Variants in SFXN5 observed in about 807,000 individuals in gnomAD.
SFXN5 encodes the protein sideroflexin-5.
In SFXN5, 43 loss-of-function variants were observed where a neutral mutation model predicts 50.2. That is an observed-to-expected ratio of 0.86 (90% confidence interval 0.67 to 1.11). The LOEUF is 1.11. Ranked by LOEUF, SFXN5 falls within the 50% of genes least tolerant of loss-of-function variation. The pLI, the probability that SFXN5 is intolerant of heterozygous loss-of-function variation, is 0.00. For missense variants in SFXN5, 463 were observed against 454.1 expected (o/e 1.02, Z -0.18); for synonymous variants, 203 against 185.8 (o/e 1.09, Z -0.75).
chr2:72,984,633 T>C (rs568466536), intron 10 of SFXN5, among the ~76,000 whole-genome samples: 8 of 152,230 alleles, frequency 5.3e-5, no homozygotes, highest in African/African-American at 1.9e-4. Flanking sequence ...CAGCACAGAA[T>C]GAGGAGAACC....
intron 12 of SFXN5, among the ~76,000 whole-genome samples, chr2:72,966,448 A>G (rs1373198561): frequency 6.6e-6 from 1 of 152,168 alleles, no homozygotes; most frequent in Non-Finnish European, 1.5e-5. Context: ...GGCTACGTAT[A>G]CGAGAGTCAG....
chr2:73,071,349 G>A (rs1041997487), intron 1 of SFXN5: 4 of 462,478 alleles, frequency 8.6e-6, no homozygotes, highest in African/African-American at 4.1e-5. Context: ...CGCCGCGGGC[G>A]GGAAAGGCTA....
chr2:72,968,162 CACACACAA>C, intron 12 of SFXN5, among the ~76,000 whole-genome samples: 1 of 150,348 alleles, frequency 6.7e-6, no homozygotes, highest in Non-Finnish European at 1.5e-5. Context: ...CACACACACA[CACACACAA>C]CTGCCAGCTC....
chr2:72,996,519 T>TA, intron 9 of SFXN5: 1 of 152,614 alleles, frequency 6.6e-6, no homozygotes, highest in Middle Eastern at 3.3e-3. Flanking sequence ...TTTTTTTTTT[T>TA]TTTTTTTGAG....
chr2:73,017,743 T>G lies in SFXN5; in HGVS notation c.357+2496A>C, dbSNP rs138414308. ...GGGAATTACAGGTATCAGTATAAAC[T>G]CATGAATTTTTACAAGTTGTATCTC... is the stretch of plus-strand genomic sequence containing the variant. On this transcript the variant is annotated intron_variant, in intron 6 of 13. Coordinates refer to ENST00000272433, the MANE Select transcript of SFXN5 (RefSeq NM_144579.3). Among the ~76,000 whole-genome samples the G allele has an allele frequency of 4.4e-3, 674 of 152,236 alleles. 9 individuals carry two copies. The highest frequency in any genetic ancestry group is 0.015 in the African/African-American group (608 of 41,520).
chr2:73,000,737 T>C (rs1470511532), intron 7 of SFXN5, among the ~76,000 whole-genome samples: 1 of 152,216 alleles, frequency 6.6e-6, no homozygotes, highest in Non-Finnish European at 1.5e-5. Context: ...CGCACCCCAG[T>C]AGTCCACCTG....
At chr2:72,970,987 C>G (rs1302971561) in intron 11 of SFXN5, among the ~76,000 whole-genome samples, 1 of 152,188 alleles carries the variant, frequency 6.6e-6, no homozygotes, top group Non-Finnish European at 1.5e-5. Context: ...TGTGACCAGC[C>G]TGTGTTTTCA....
chr2:73,050,188 G>A (rs929720765), intron 2 of SFXN5, among the ~76,000 whole-genome samples: 4 of 152,066 alleles, frequency 2.6e-5, no homozygotes, highest in African/African-American at 9.7e-5. Context: ...GCATTCCTGC[G>A]GCTTTCCCAG....
Position 72,961,281 on chromosome 2 carries a change from C to A in SFXN5, c.828-33G>T. The A allele has an allele frequency of 1.4e-6, 2 of 1,446,750 alleles. No homozygotes were observed. Among genetic ancestry groups the A allele is most frequent in the Non-Finnish European group, 1.8e-6 (2 of 1,095,264 alleles). 89.6% of individuals were successfully genotyped at this position (1,446,750 alleles called of 1,614,324 possible). A position where few individuals can be genotyped will look rare whatever the true frequency, so the allele number is the denominator to read the frequency against. ...GGAGAGAGGAGGGAGCCCCATGAGA[C>A]CCGAAGGTGGGGTGGGCTGGCTGCC... On this transcript the variant is annotated intron_variant, in intron 12 of 13. Coordinates refer to ENST00000272433, the MANE Select transcript of SFXN5 (RefSeq NM_144579.3). This position sits in a 1 kb window ranked among gnomAD's most constrained non-coding sequence, Gnocchi z 4.4.
rs193110856 is a variant in SFXN5 at position 73,051,023 on chromosome 2, G to A, written c.171+7505C>T. On this transcript the variant is annotated intron_variant, in intron 2 of 13. Transcript: ENST00000272433. Reference sequence around the variant, plus strand: ...AGCCCTGCCTTCCACGAAGTCCTAGGACACAGGCATAATTTGGCCAAGTTC... The same window carrying A: ...AGCCCTGCCTTCCACGAAGTCCTAGAACACAGGCATAATTTGGCCAAGTTC... Among the ~76,000 whole-genome samples the A allele has an allele frequency of 3.1e-3, 469 of 152,292 alleles. 4 individuals carry two copies. The highest frequency in any genetic ancestry group is 0.011 in the African/African-American group (446 of 41,552).
At chr2:73,019,754 T>G (rs1676626759) in intron 6 of SFXN5, 1 of 155,304 alleles carries the variant, frequency 6.4e-6, no homozygotes, top group East Asian at 1.9e-4. Flanking sequence ...TTTGAAAATT[T>G]ACCAAGCTGT....
rs528051598 is a variant in SFXN5, at chr2:72,970,133, G to A, written c.741+1437C>T. Among the ~76,000 whole-genome samples the A allele has an allele frequency of 1.0e-3, 156 of 152,310 alleles. 1 individual carries two copies. Among genetic ancestry groups the A allele is most frequent in the Middle Eastern group, 3.4e-3 (1 of 294 alleles). On this transcript the variant is annotated intron_variant, in intron 11 of 13. Coordinates refer to ENST00000272433, the MANE Select transcript of SFXN5 (RefSeq NM_144579.3). ...CACTGACAGGAGTTATCATGGCATG[G>A]CTGTCCTCCCTCAGGGGGGCTGGGG...
intron 7 of SFXN5, 118 bp from the exon 8 acceptor site, chr2:73,000,605 A>T (rs1418031445): frequency 1.1e-6 from 1 of 947,754 alleles, no homozygotes. Flanking sequence ...TCCAGCTCAC[A>T]TGGTGCCGCC....
chr2:73,059,188 G>A, intron 1 of SFXN5: 1 of 986,106 alleles, frequency 1.0e-6, no homozygotes, highest in South Asian at 4.7e-5. Flanking sequence ...AGGGGCCGTG[G>A]AAAAGGAGGG....
chr2:72,951,934 C>A (rs550137671), intron 13 of SFXN5, among the ~76,000 whole-genome samples: 1 of 152,376 alleles, frequency 6.6e-6, no homozygotes, highest in East Asian at 1.9e-4. Flanking sequence ...CATCCTTTCT[C>A]ACCAGGGCTG....
chr2:73,063,603 C>A (rs1310504471), intron 1 of SFXN5, among the ~76,000 whole-genome samples: 1 of 152,152 alleles, frequency 6.6e-6, no homozygotes, highest in East Asian at 1.9e-4. Flanking sequence ...TGGGTTGATT[C>A]TCCGAGGCAA....
intron 6 of SFXN5, among the ~76,000 whole-genome samples, chr2:73,011,788 G>GTAACTA (rs1675533709): frequency 1.3e-5 from 2 of 152,208 alleles, no homozygotes; most frequent in African/African-American, 4.8e-5. Flanking sequence ...ACAAAAGCAT[G>GTAACTA]GAGAAATATA....
At chr2:72,991,103 G>T (rs1672545049) in intron 9 of SFXN5, among the ~76,000 whole-genome samples, 2 of 152,260 alleles carry the variant, frequency 1.3e-5, no homozygotes, top group South Asian at 4.1e-4. Flanking sequence ...CCTCTTGGGG[G>T]TAGGCAGGGC....
At chr2:73,032,380 G>A (rs1273822514) in intron 3 of SFXN5, among the ~76,000 whole-genome samples, 1 of 152,216 alleles carries the variant, frequency 6.6e-6, no homozygotes, top group Non-Finnish European at 1.5e-5. Flanking sequence ...AAATCAGTGT[G>A]GATATGAGAC....
Sources: gnomAD v4.1 joint callset for allele counts (sites outside exome capture counted in the v4.1 genomes callset) on GRCh38, gnomAD v4.1.1 for gene constraint, Gnocchi (gnomAD v3.1) non-coding constraint, MANE v1.5 for transcripts, NCBI Gene and HGNC (gene_info 2026-07-23, HGNC 2026-07-21) for gene names.